Variants in RNF112 observed in about 807,000 individuals in gnomAD.
RNF112 encodes brain finger protein.
In RNF112, 34 loss-of-function variants were observed where a neutral mutation model predicts 64.7. The ratio of observed to expected loss-of-function variants is 0.53; its 90% CI spans 0.40 to 0.70. The LOEUF is 0.70. RNF112 is among the 30% of genes least tolerant of loss of function. RNF112 has a pLI of 0.00. For missense variants in RNF112, 734 were observed against 850.0 expected, an observed-to-expected ratio of 0.86 and a Z score of 1.70; for synonymous variants, 345 against 344.5, an observed-to-expected ratio of 1.00 and a Z score of -0.02.
chr17:19,414,470 G>A lies in RNF112; in HGVS notation c.898G>A (p.Val300Met). Reference protein sequence around the residue: ...YLEMFVHVAEVMGKHYGMVPI... With the variant: ...YLEMFVHVAEMMGKHYGMVPI... ...CCAGATGTTTGTCCACGTGGCCGAG[G>A]TGATGGGCAAGCATTATGGGATGGT... The change falls in exon 8 of 14, where the codon GTG (valine) becomes ATG (methionine). Residue 300 changes from valine to methionine, a missense_variant. Physicochemically the swap from Val to Met is conservative, Grantham distance 21. Transcript: ENST00000461366. 1.2e-6 allele frequency: 2 copies of A among 1,613,996 alleles called. No individual in the cohort carries two copies. Among genetic ancestry groups the A allele is most frequent in the Non-Finnish European group, 8.5e-7 (1 of 1,179,880 alleles).
chr17:19,413,153 G>T lies in RNF112; in HGVS notation c.588+9G>T. The T allele has an allele frequency of 6.2e-7, 1 of 1,610,390 alleles. No homozygotes were observed. The highest frequency in any genetic ancestry group is 1.7e-4 in the Middle Eastern group (1 of 6,044). On this transcript the variant is annotated intron_variant, in intron 4 of 13. Transcript: ENST00000461366. The surrounding 1 kb of genome is among the most constrained non-coding windows in gnomAD (Gnocchi z 5.9). ...AGGGCTTGCCGGGCCTGGTGAGGGC[G>T]GGGCGGGGCAGGAGGGAGGCGGGGA... is the stretch of plus-strand genomic sequence containing the variant.
Position 19,416,110 on chromosome 17 carries a change from A to C in RNF112, c.1831A>C (p.Met611Leu). The C allele has an allele frequency of 6.3e-7, 1 of 1,583,064 alleles. No homozygotes were observed. Among genetic ancestry groups the C allele is most frequent in the East Asian group, 2.3e-5 (1 of 43,522 alleles). ...TGGGTTGGCTGCCACAGTGGGCTGC[A>C]TGGAGAAGGAGGAGGATGAGAGGCT... ...GAGLAATVGC[M>L]EKEEDERLLE... Residue 611 changes from methionine (M) to leucine (L), a missense_variant, in exon 14 of 14, where the codon ATG becomes CTG. By Grantham distance (15) the Met-to-Leu change is conservative. Transcript: ENST00000461366.
Position 19,415,585 on chromosome 17 carries a change from G to A in RNF112, c.1418G>A (p.Arg473Lys). The A allele has an allele frequency of 6.2e-7, 1 of 1,612,516 alleles. No individual in the cohort carries two copies. The highest frequency in any genetic ancestry group is 8.5e-7 in the Non-Finnish European group (1 of 1,179,390). ...AAGAGGGAGTTCGAGGAGTATGTGA[G>A]GCAGCAGGTGAGCCCCGGGGCTGCA... ...AAKREFEEYV[R>K]QQDVATKRIF... Residue 473 changes from arginine (R) to lysine (K), a missense_variant, in exon 13 of 14, where the codon AGG (arginine) becomes AAG (lysine). Coordinates refer to ENST00000461366, the MANE Select transcript of RNF112 (RefSeq NM_007148.5). This position sits in a 1 kb window ranked among gnomAD's most constrained non-coding sequence, Gnocchi z 7.8.
Position 19,412,444 on chromosome 17 carries a change from A to C in RNF112, c.96-54A>C. The C allele has an allele frequency of 6.4e-7, 1 of 1,566,138 alleles. No individual in the cohort carries two copies. Among genetic ancestry groups the C allele is most frequent in the Non-Finnish European group, 8.6e-7 (1 of 1,157,824 alleles). ...GTCTTCCACCACAACCCTGGCCGGT[A>C]CCCCCTGCCCCCAATAGACATCCTG... On this transcript the variant is annotated intron_variant, in intron 2 of 13. Transcript: ENST00000461366. This position sits in a 1 kb window ranked among gnomAD's most constrained non-coding sequence, Gnocchi z 5.1.
Position 19,416,322 on chromosome 17 carries a change from T to G in RNF112, c.*147T>G. 1.3e-6 allele frequency: 1 copy of G among 757,876 alleles called. No individual in the cohort carries two copies. Among genetic ancestry groups the G allele is most frequent in the Non-Finnish European group, 2.0e-6 (1 of 496,026 alleles). The allele number at this position is 757,876 out of a possible 1,614,324, so 46.9% of individuals were successfully genotyped here. A position where few individuals can be genotyped will look rare whatever the true frequency, so the allele number is the denominator to read the frequency against. ...GAATGCTCGGTGTCTGGGTGGCAGC[T>G]GAGCTGGGACTCAAGGTGGCTCTTG... On this transcript the variant is annotated 3_prime_UTR_variant, in exon 14 of 14. Transcript: ENST00000461366.
In RNF112 at chr17:19,416,167, G is replaced by T. The variant is rs745737016; in HGVS notation, c.1888G>T (p.Glu630Ter). 6.4e-7 allele frequency: 1 copy of T among 1,556,510 alleles called. No homozygotes were observed. The highest frequency in any genetic ancestry group is 1.2e-5 in the South Asian group (1 of 84,234). The change falls in exon 14 of 14, where the codon GAA becomes TAA. Residue 630 changes from glutamate (E) to a stop codon, truncating the protein, a stop_gained. Transcript: ENST00000461366. LOFTEE classifies it high-confidence loss of function. ...LEGDREPLLQ[E>*]E ...AGGGGACCGAGAGCCCCTTCTCCAG[G>T]AAGAGTAACAGCCCCAGGAGGTATT...
intron 7 of RNF112, 91 bp downstream of exon 7, chr17:19,414,236 C>A: frequency 7.8e-7 from 1 of 1,286,404 alleles, no homozygotes; most frequent in Non-Finnish European, 1.1e-6. Flanking sequence ...CCTGGTCTGG[C>A]CTAGGGTTTT....
chr17:19,415,535 C>G lies in RNF112; in HGVS notation c.1368C>G (p.His456Gln). The change falls in exon 13 of 14, where the codon CAC becomes CAG. Residue 456 changes from histidine to glutamine, a missense_variant. His to Gln is a conservative substitution (Grantham distance 24). Transcript: ENST00000461366. The surrounding 1 kb of genome is among the most constrained non-coding windows in gnomAD (Gnocchi z 7.8). ...TSPDEMAAQL[H>Q]DLRKVEAAKR... ...GTGGACAGATGGCTGCTCAGCTGCACGACCTGAGGAAGGTGGAAGCTGCCA... is the reference window on the plus strand; with the variant it reads ...GTGGACAGATGGCTGCTCAGCTGCAGGACCTGAGGAAGGTGGAAGCTGCCA... The G allele has an allele frequency of 1.9e-6, 3 of 1,612,334 alleles. No individual in the cohort carries two copies. Among genetic ancestry groups the G allele is most frequent in the African/African-American group, 1.3e-5 (1 of 74,992 alleles).
At chr17:19,411,769 G>T in intron 2 of RNF112, 99 bp downstream of exon 2, 2 of 1,291,524 alleles carry the variant, frequency 1.5e-6, no homozygotes, top group South Asian at 1.3e-5. Flanking sequence ...CAGCCCAGCC[G>T]GGAGGGCTGT....
rs772411070 is a variant in RNF112, at chr17:19,412,662, C to T, written c.260C>T (p.Pro87Leu). ...CIRCFSTHRL[P>L]GCEPPCCPEC... ...CGGTGCTTCAGCACACACCGTCTCC[C>T]GGGCTGTGAGCCGCCCTGCTGTCCT... Residue 87 changes from proline to leucine, a missense_variant, in exon 3 of 14, where the codon CCG becomes CTG. Pro to Leu is a moderately conservative substitution (Grantham distance 98). Coordinates refer to ENST00000461366, the MANE Select transcript of RNF112 (RefSeq NM_007148.5). This position sits in a 1 kb window ranked among gnomAD's most constrained non-coding sequence, Gnocchi z 5.1. 16 of 1,613,448 alleles carry T rather than the reference C, an allele frequency of 9.9e-6. No homozygotes were observed. The highest frequency in any genetic ancestry group is 3.3e-5 in the South Asian group (3 of 91,044).
chr17:19,415,645 C>T lies in RNF112; in HGVS notation c.1425+53C>T, dbSNP rs932007782. The T allele has an allele frequency of 1.9e-6, 3 of 1,603,650 alleles. No individual in the cohort carries two copies. Among genetic ancestry groups the T allele is most frequent in the Non-Finnish European group, 2.6e-6 (3 of 1,174,454 alleles). ...GGTGTGGGCCGGGCAGGGTCCAGAT[C>T]AGGGAGAGGATACCTGGGACTCCTG... On this transcript the variant is annotated intron_variant, in intron 13 of 13. Transcript: ENST00000461366. This position sits in a 1 kb window ranked among gnomAD's most constrained non-coding sequence, Gnocchi z 7.8.
chr17:19,415,027 C>G lies in RNF112; in HGVS notation c.1127-11C>G. On this transcript the variant is annotated splice_polypyrimidine_tract_variant and intron_variant, in intron 10 of 13. Transcript: ENST00000461366. This position sits in a 1 kb window ranked among gnomAD's most constrained non-coding sequence, Gnocchi z 7.8. ...GCCCGCAGTCTCTCAGCATGCACAT[C>G]TCTCCCTCAGACACAGATGATGACT... 6.3e-7 allele frequency: 1 copy of G among 1,584,562 alleles called. No individual in the cohort carries two copies. Among genetic ancestry groups the G allele is most frequent in the Non-Finnish European group, 8.6e-7 (1 of 1,162,666 alleles).
chr17:19,413,434 G>A lies in RNF112; in HGVS notation c.720+23G>A. The A allele has an allele frequency of 6.2e-7, 1 of 1,603,618 alleles. No homozygotes were observed. On this transcript the variant is annotated intron_variant, in intron 5 of 13. Transcript: ENST00000461366. The surrounding 1 kb of genome is among the most constrained non-coding windows in gnomAD (Gnocchi z 5.9). ...AAGGTGAGGGGGGAAGTGGCAGAAG[G>A]AGGTCAGGGATGGGAAGGGGAATCA...
chr17:19,412,020 G>A lies in RNF112; in HGVS notation c.95+350G>A, dbSNP rs937072002. Among the ~76,000 whole-genome samples, 9 of 152,314 alleles carry A rather than the reference G, an allele frequency of 5.9e-5. No homozygotes were observed. Among genetic ancestry groups the A allele is most frequent in the Non-Finnish European group, 8.8e-5 (6 of 68,016 alleles). On this transcript the variant is annotated intron_variant, in intron 2 of 13. Coordinates refer to ENST00000461366, the MANE Select transcript of RNF112 (RefSeq NM_007148.5). This position sits in a 1 kb window ranked among gnomAD's most constrained non-coding sequence, Gnocchi z 5.1. ...GTCAGCACCTCATGGAGGGAGCCCC[G>A]CTGTAGAACGCCGGGAGAGGCTCTT... is the stretch of plus-strand genomic sequence containing the variant.
chr17:19,413,081 G>C lies in RNF112; in HGVS notation c.525G>C (p.Leu175=). ...RDTPVCLLAV[L]GEQHSGKSFL... is the part of the protein sequence containing the mutation. ...CCCCAGTCTGCCTCCTCGCTGTCCT[G>C]GGGGAGCAGCACTCAGGGAAGTCCT... is the stretch of plus-strand genomic sequence containing the variant. The change falls in exon 4 of 14, where the codon CTG becomes CTC. Residue 175 remains leucine, a synonymous_variant. Transcript: ENST00000461366. The surrounding 1 kb of genome is among the most constrained non-coding windows in gnomAD (Gnocchi z 5.9). 16 of 1,613,434 alleles carry C rather than the reference G, an allele frequency of 9.9e-6. No homozygotes were observed. The highest frequency in any genetic ancestry group is 1.4e-5 in the Non-Finnish European group (16 of 1,179,822).
intron 2 of RNF112, 123 bp downstream of exon 2, chr17:19,411,793 G>T: frequency 9.6e-7 from 1 of 1,037,556 alleles, no homozygotes; most frequent in Non-Finnish European, 1.4e-6. Flanking sequence ...CCTGAGGCTG[G>T]ATCCGCCAGG....
Position 19,412,011 on chromosome 17 carries a change from G to A in RNF112, c.95+341G>A, listed in dbSNP as rs905657870. The stretch of plus-strand genomic sequence containing the variant: ...CTGGCTGAAGTCAGCACCTCATGGA[G>A]GGAGCCCCGCTGTAGAACGCCGGGA... On this transcript the variant is annotated intron_variant, in intron 2 of 13. Coordinates refer to ENST00000461366, the MANE Select transcript of RNF112 (RefSeq NM_007148.5). This position sits in a 1 kb window ranked among gnomAD's most constrained non-coding sequence, Gnocchi z 5.1. Among the ~76,000 whole-genome samples, 3 of 152,230 alleles carry A rather than the reference G, an allele frequency of 2.0e-5. No individual in the cohort carries two copies. Among genetic ancestry groups the A allele is most frequent in the Admixed American group, 2.0e-4 (3 of 15,280 alleles).
rs747481362 is a variant in RNF112, at chr17:19,414,460, C to T, written c.888C>T (p.His296=). The T allele has an allele frequency of 5.0e-6, 8 of 1,613,870 alleles. No individual in the cohort carries two copies. Among genetic ancestry groups the T allele is most frequent in the East Asian group, 2.2e-5 (1 of 44,900 alleles). ...TGTCCCACCCCCAGATGTTTGTCCA[C>T]GTGGCCGAGGTGATGGGCAAGCATT... ...TDLDYLEMFV[H]VAEVMGKHYG... is the part of the protein sequence containing the mutation. The change falls in exon 8 of 14, where the codon CAC becomes CAT. Residue 296 remains histidine, a synonymous_variant. Coordinates refer to ENST00000461366, the MANE Select transcript of RNF112 (RefSeq NM_007148.5).
At chr17:19,411,737 G>T in intron 2 of RNF112, 67 bp downstream of exon 2, 4 of 1,496,014 alleles carry the variant, frequency 2.7e-6, no homozygotes, top group Non-Finnish European at 3.6e-6. Context: ...TGAAATGGCC[G>T]GTCCTGGAAC....
Sources: gnomAD v4.1 joint callset for allele counts (sites outside exome capture counted in the v4.1 genomes callset) on GRCh38, gnomAD v4.1.1 for gene constraint, Gnocchi (gnomAD v3.1) non-coding constraint, MANE v1.5 for transcripts, NCBI Gene and HGNC (gene_info 2026-07-23, HGNC 2026-07-21) for gene names.